Variants in P4HA3 observed in about 807,000 individuals in gnomAD.
P4HA3 encodes the protein prolyl 4-hydroxylase subunit alpha-3.
In P4HA3, 60 loss-of-function variants were observed where a neutral mutation model predicts 66.7. The ratio of observed to expected loss-of-function variants is 0.90; its 90% CI spans 0.73 to 1.12. The LOEUF (loss-of-function observed/expected upper bound fraction) is 1.12. P4HA3 is among the 50% of genes most tolerant of loss of function. The pLI, the probability that P4HA3 is intolerant of heterozygous loss-of-function variation, is 0.00. For missense variants in P4HA3, 683 were observed against 685.8 expected, an observed-to-expected ratio of 1.00 and a Z score of 0.05; for synonymous variants, 263 against 274.6, an observed-to-expected ratio of 0.96 and a Z score of 0.42.
intron 7 of P4HA3, 125 bp downstream of exon 7, chr11:74,285,684 T>C (rs1860768199): frequency 8.8e-6 from 9 of 1,023,190 alleles, no homozygotes; most frequent in South Asian, 4.9e-5. Context: ...TATGGAATGG[T>C]TGGCATTCTG....
In P4HA3 at chr11:74,273,534, G is replaced by A. The variant is rs1860278812; in HGVS notation, c.1398+11C>T. 2 of 1,523,448 alleles carry A rather than the reference G, an allele frequency of 1.3e-6. No individual in the cohort carries two copies. The highest frequency in any genetic ancestry group is 1.7e-4 in the Middle Eastern group (1 of 5,804). The allele number at this position is 1,523,448 out of a possible 1,614,324, so 94.4% of individuals were successfully genotyped here. A position where few individuals can be genotyped will look rare whatever the true frequency, so the allele number is the denominator to read the frequency against. On this transcript the variant is annotated intron_variant, in intron 10 of 12. Transcript: ENST00000331597. ...TCAGTCATGAAGTAAGAAGCCCAGA[G>A]CAATACTCACATAGATCATAAATGT...
intron 2 of P4HA3, among the ~76,000 whole-genome samples, chr11:74,303,157 G>T (rs918291147): frequency 2.0e-5 from 3 of 151,980 alleles, no homozygotes; most frequent in Non-Finnish European, 2.9e-5. Context: ...GTCTTGCTAT[G>T]TTGCCCAGGC....
intron 4 of P4HA3, among the ~76,000 whole-genome samples, chr11:74,292,124 C>A (rs933298022): frequency 1.3e-5 from 2 of 152,082 alleles, no homozygotes; most frequent in African/African-American, 4.8e-5. Flanking sequence ...AATTTCAGAG[C>A]CTGTTATTGG....
At chr11:74,306,199 G>A (rs925211621) in intron 1 of P4HA3, among the ~76,000 whole-genome samples, 18 of 152,148 alleles carry the variant, frequency 1.2e-4, no homozygotes, top group African/African-American at 3.6e-4. Flanking sequence ...AGGTGGGATC[G>A]TCCAGCACAC....
chr11:74,308,417 G>A (rs915516001), intron 1 of P4HA3, among the ~76,000 whole-genome samples: 7 of 152,126 alleles, frequency 4.6e-5, no homozygotes, highest in Admixed American at 1.3e-4. Context: ...GTGTGCACCC[G>A]TAGTCCTAGT....
intron 1 of P4HA3, among the ~76,000 whole-genome samples, chr11:74,309,558 G>A (rs983072458): frequency 6.6e-6 from 1 of 152,132 alleles, no homozygotes; most frequent in South Asian, 2.1e-4. Context: ...GGAGAATGCT[G>A]GGCTCTGAAA....
intron 1 of P4HA3, among the ~76,000 whole-genome samples, chr11:74,307,682 T>C (rs1387564059): frequency 6.6e-6 from 1 of 152,210 alleles, no homozygotes; most frequent in African/African-American, 2.4e-5. Context: ...TAAATGTCTT[T>C]TTGCTTTAAC....
At position 74,267,252 on chromosome 11, in the gene P4HA3, T is replaced by G; in HGVS notation, c.1631A>C (p.Asp544Ala). ...CAGCTTCTCTCTGCCAACAGTTCAG[T>G]CTTCAGGGCTGGAGCTGCAGGGTCT... ...FRRPCSSSPE[D>A] The change falls in exon 13 of 13, where the codon GAC becomes GCC. Residue 544 changes from aspartate to alanine, a missense_variant. Asp to Ala is a moderately radical substitution (Grantham distance 126). Coordinates refer to ENST00000331597, the MANE Select transcript of P4HA3 (RefSeq NM_182904.5). 1 of 1,614,186 alleles carries G rather than the reference T, an allele frequency of 6.2e-7. No individual in the cohort carries two copies. The highest frequency in any genetic ancestry group is 8.5e-7 in the Non-Finnish European group (1 of 1,180,026).
chr11:74,290,396 C>A (rs1048274270), intron 4 of P4HA3, among the ~76,000 whole-genome samples: 8 of 149,774 alleles, frequency 5.3e-5, no homozygotes, highest in Admixed American at 2.0e-4. Context: ...TTGTAGGTTG[C>A]CTGTTCACTC....
At chr11:74,269,836 A>G in intron 10 of P4HA3, 116 bp from the exon 11 acceptor site, 1 of 1,047,486 alleles carries the variant, frequency 9.5e-7, no homozygotes. Context: ...ACTCTGAGAG[A>G]AATACTTGAA....
chr11:74,267,992 G>T (rs1300154158), intron 12 of P4HA3, among the ~76,000 whole-genome samples, 153 bp downstream of exon 12: 2 of 152,174 alleles, frequency 1.3e-5, no homozygotes, highest in Admixed American at 6.5e-5. Flanking sequence ...GTCTGTTGGG[G>T]GCACCTCATT....
chr11:74,273,267 C>T (rs1001228428), intron 10 of P4HA3, among the ~76,000 whole-genome samples: 6 of 152,168 alleles, frequency 3.9e-5, no homozygotes, highest in African/African-American at 1.4e-4. Context: ...ATCTCTTGGC[C>T]TTCAGTGGAG....
intron 10 of P4HA3, among the ~76,000 whole-genome samples, chr11:74,269,944 C>T (rs142163318): frequency 3.9e-4 from 59 of 152,290 alleles, no homozygotes; most frequent in African/African-American, 1.4e-3. Context: ...GGTATTCTTC[C>T]TTTCTTTCCC....
chr11:74,276,847 A>G, intron 9 of P4HA3, 138 bp downstream of exon 9: 1 of 984,536 alleles, frequency 1.0e-6, no homozygotes, highest in Non-Finnish European at 1.4e-6. Flanking sequence ...TAAGGCTTTC[A>G]GATATTTCTG....
rs1264592604 is a variant in P4HA3 at position 74,267,218 on chromosome 11, G to C, written c.*30C>G. The C allele has an allele frequency of 5.0e-6, 8 of 1,613,808 alleles. No individual in the cohort carries two copies. Among genetic ancestry groups the C allele is most frequent in the Non-Finnish European group, 6.8e-6 (8 of 1,180,036 alleles). On this transcript the variant is annotated 3_prime_UTR_variant, in exon 13 of 13. Transcript: ENST00000331597. ...CTCCTGGCTTCTCTGGAAAGCCACA[G>C]GACTCCACCAGCTTCTCTCTGCCAA... is the stretch of plus-strand genomic sequence containing the variant.
chr11:74,267,283 A>T lies in P4HA3; in HGVS notation c.1600T>A (p.Phe534Ile). ...NKWIHEYGQEFRRPCSSSPED is the reference protein window; with the variant it reads ...NKWIHEYGQEIRRPCSSSPED ...GGGCTGGAGCTGCAGGGTCTGCGGA[A>T]TTCCTGTCCATACTCATGTATCCAC... Residue 534 changes from phenylalanine to isoleucine, a missense_variant, in exon 13 of 13, where the codon TTC (phenylalanine) becomes ATC (isoleucine). Phe to Ile is a conservative substitution (Grantham distance 21). Transcript: ENST00000331597. The T allele has an allele frequency of 6.2e-7, 1 of 1,614,234 alleles. No homozygotes were observed. Among genetic ancestry groups the T allele is most frequent in the East Asian group, 2.2e-5 (1 of 44,884 alleles).
At chr11:74,259,794 C>T (rs1445097730) in intron 15 of P4HA3, 1 of 152,176 alleles carries the variant, frequency 6.6e-6, no homozygotes, top group East Asian at 1.9e-4. Context: ...TTATTAAATG[C>T]ATATTCCATA....
At chr11:74,263,379 T>C (rs1009993371), downstream of P4HA3, among the ~76,000 whole-genome samples, 1 of 152,242 alleles carries the variant, frequency 6.6e-6, no homozygotes, top group Non-Finnish European at 1.5e-5. Flanking sequence ...TGGGAAAATG[T>C]TGGAGACCCC....
chr11:74,259,105 CA>C (rs1177248534), intron 15 of P4HA3, among the ~76,000 whole-genome samples: 1 of 152,134 alleles, frequency 6.6e-6, no homozygotes, highest in Admixed American at 6.5e-5. Flanking sequence ...ACGTCCTTCT[CA>C]AAAAACTTTT....
Sources: allele counts gnomAD v4.1 joint callset (sites outside exome capture counted in the v4.1 genomes callset), GRCh38; gene constraint gnomAD v4.1.1; transcripts MANE v1.5; gene names NCBI Gene and HGNC (gene_info 2026-07-23, HGNC 2026-07-21).